Variants in MYO10 observed in about 807,000 individuals in gnomAD.
MYO10 encodes unconventional myosin-X.
In MYO10, 133 loss-of-function variants were observed where a neutral mutation model predicts 257.3. That is an observed-to-expected ratio of 0.52 (90% CI 0.45 to 0.60). MYO10 has a LOEUF of 0.60. Ranked by LOEUF, MYO10 falls within the 20% of genes least tolerant of loss-of-function variation. MYO10 has a pLI of 0.00. For synonymous variants in MYO10, 1,104 were observed against 1,028.6 expected (o/e 1.07, Z -1.40); for missense variants, 2,399 against 2,635.7 (o/e 0.91, Z 1.97).
chr5:16,694,378 T>C lies in MYO10; in HGVS notation c.3793A>G (p.Thr1265Ala). ...CCAGGCTTAGCAACCTACTTTGCCGTTCGCACTTCTACGGTGCCCTTGAGC... is the reference window on the plus strand; with the variant it reads ...CCAGGCTTAGCAACCTACTTTGCCGCTCGCACTTCTACGGTGCCCTTGAGC... ...EKLKGTVEVR[T>A]AKEIIDNTTK... Residue 1265 changes from threonine (T) to alanine (A), a missense_variant, in exon 27 of 41, where the codon ACG becomes GCG. Thr to Ala is a moderately conservative substitution (Grantham distance 58, BLOSUM62 0). This residue lies in a region of MYO10 where 1,820 missense variants were observed against 1,939.4 expected (regional missense o/e 0.94). Coordinates refer to ENST00000513610, the MANE Select transcript of MYO10 (RefSeq NM_012334.3). The C allele has an allele frequency of 1.2e-6, 2 of 1,614,040 alleles. No homozygotes were observed. The highest frequency in any genetic ancestry group is 1.7e-6 in the Non-Finnish European group (2 of 1,179,888).
chr5:16,803,488 T>A (rs896977809), intron 3 of MYO10, among the ~76,000 whole-genome samples: 3 of 152,100 alleles, frequency 2.0e-5, no homozygotes, highest in Non-Finnish European at 2.9e-5. Flanking sequence ...ATAAAAATGT[T>A]CTGGTGACAA....
chr5:16,667,305 A>G (rs1736218211), intron 40 of MYO10, among the ~76,000 whole-genome samples: 1 of 151,468 alleles, frequency 6.6e-6, no homozygotes. Flanking sequence ...CACACCAGCC[A>G]CCTCCTCCAG....
chr5:16,673,946 G>A (rs1736599606), intron 35 of MYO10, 57 bp from the exon 36 acceptor site: 1 of 1,518,958 alleles, frequency 6.6e-7, no homozygotes, highest in East Asian at 2.3e-5. Flanking sequence ...GCTGCTGGGA[G>A]GAACTAGGCT....
At chr5:16,885,992 C>A (rs918056368) in intron 1 of MYO10, among the ~76,000 whole-genome samples, 1 of 152,128 alleles carries the variant, frequency 6.6e-6, no homozygotes, top group Admixed American at 6.5e-5. Context: ...AGTAGGGCAC[C>A]CACGACAGCT....
intron 19 of MYO10, among the ~76,000 whole-genome samples, chr5:16,717,573 G>T (rs141053673): frequency 6.6e-6 from 1 of 152,190 alleles, no homozygotes; most frequent in Admixed American, 6.5e-5. Flanking sequence ...TCTGCATATG[G>T]AAGCAACTAG....
intron 1 of MYO10, among the ~76,000 whole-genome samples, chr5:16,935,018 G>C (rs1436127289): frequency 6.6e-6 from 1 of 152,114 alleles, no homozygotes; most frequent in African/African-American, 2.4e-5. Flanking sequence ...GAAAGGAAAG[G>C]GAGCCAAGAA....
intron 19 of MYO10, among the ~76,000 whole-genome samples, chr5:16,750,750 C>T (rs943204088): frequency 2.6e-5 from 4 of 152,124 alleles, no homozygotes; most frequent in African/African-American, 7.2e-5. Context: ...AATCCCAGCA[C>T]TTTGGGAGGC....
chr5:16,787,939 C>T (rs1399028101), intron 4 of MYO10, among the ~76,000 whole-genome samples: 1 of 152,254 alleles, frequency 6.6e-6, no homozygotes, highest in East Asian at 1.9e-4. Flanking sequence ...ATTACAGGCG[C>T]CTGCCACCAC....
chr5:16,739,191 CA>C (rs1218627544), intron 19 of MYO10, among the ~76,000 whole-genome samples: 8,296 of 96,470 alleles, frequency 0.086, 686 homozygotes, highest in African/African-American at 0.25. Context: ...AATCATGTCC[CA>C]AAAAAAAAAA....
At chr5:16,827,558 A>G (rs937188654) in intron 2 of MYO10, among the ~76,000 whole-genome samples, 1 of 152,210 alleles carries the variant, frequency 6.6e-6, no homozygotes, top group Non-Finnish European at 1.5e-5. Flanking sequence ...AAGTGTTGGG[A>G]TTACAGGCGT....
chr5:16,917,514 C>T (rs1275062367), intron 1 of MYO10, among the ~76,000 whole-genome samples: 3 of 151,958 alleles, frequency 2.0e-5, no homozygotes, highest in Non-Finnish European at 4.4e-5. Flanking sequence ...TAAATATCCC[C>T]GGTGAGGCAA....
rs1247757878 is a variant in MYO10, at chr5:16,766,072, G to GT, written c.1179+7dup. On this transcript the variant is annotated splice_region_variant and intron_variant, in intron 11 of 40. Coordinates refer to ENST00000513610, the MANE Select transcript of MYO10 (RefSeq NM_012334.3). Reference sequence around the variant, plus strand: ...GTAACGCAAGATCAGATGGCAAAGCGTGTGTACCTGTTGAACATTGAGAGG... The same window carrying GT: ...GTAACGCAAGATCAGATGGCAAAGCGTTGTGTACCTGTTGAACATTGAGAGG... 6.3e-7 allele frequency: 1 copy of GT among 1,585,558 alleles called. No individual in the cohort carries two copies. The highest frequency in any genetic ancestry group is 8.7e-7 in the Non-Finnish European group (1 of 1,154,316).
intron 10 of MYO10, among the ~76,000 whole-genome samples, chr5:16,768,764 C>T (rs1270911987): frequency 1.4e-5 from 2 of 147,826 alleles, no homozygotes; most frequent in African/African-American, 2.5e-5. Context: ...ACCTTCAACC[C>T]GCAGAGGCTC....
intron 3 of MYO10, among the ~76,000 whole-genome samples, chr5:16,796,474 A>AAAGAAAGAAAGAAAAAAAGAAAG (rs1276170429): frequency 7.7e-6 from 1 of 130,018 alleles, no homozygotes; most frequent in Non-Finnish European, 1.6e-5. Flanking sequence ...GAAAGAAAAG[A>AAAGAAAGAAAGAAAAAAAGAAAG]AAAGAAAAGA....
At chr5:16,757,301 A>AACACACACACACACACAC in intron 18 of MYO10, among the ~76,000 whole-genome samples, 1 of 84,386 alleles carries the variant, frequency 1.2e-5, no homozygotes, top group South Asian at 4.1e-4. Context: ...CACACACACA[A>AACACACACACACACACAC]ACACACACAC....
chr5:16,843,014 A>G (rs1743529958), intron 2 of MYO10, among the ~76,000 whole-genome samples: 1 of 151,668 alleles, frequency 6.6e-6, no homozygotes, highest in Admixed American at 6.6e-5. Context: ...CTCAATCATG[A>G]AACTGTCAGG....
At chr5:16,842,021 T>C (rs1393713553) in intron 2 of MYO10, among the ~76,000 whole-genome samples, 3 of 11,590 alleles carry the variant, frequency 2.6e-4, no homozygotes, top group African/African-American at 1.1e-3. Context: ...GGGGGCTTGG[T>C]GGGGGTGGGG....
chr5:16,839,979 G>T (rs752591485), intron 2 of MYO10, among the ~76,000 whole-genome samples: 10 of 152,158 alleles, frequency 6.6e-5, no homozygotes, highest in Non-Finnish European at 1.5e-4. Context: ...TCCAAGCTCA[G>T]TGGAAAAGTA....
At position 16,683,907 on chromosome 5, in the gene MYO10, G is replaced by C. The variant is rs776217674; in HGVS notation, c.4019C>G (p.Ser1340Cys). Residue 1340 changes from serine (S) to cysteine (C), a missense_variant, in exon 30 of 41, where the codon TCT becomes TGT. Physicochemically the swap from Ser to Cys is moderately radical, Grantham distance 112. This residue lies in a region of MYO10 where 1,820 missense variants were observed against 1,939.4 expected (regional missense o/e 0.94). Transcript: ENST00000513610. The stretch of plus-strand genomic sequence containing the variant: ...ATCAGGGCTGTCAGAGGCACACACA[G>C]AATCAATCAGCCCCACATCCAAGGT... ...VGTLDVGLID[S>C]VCASDSPDRP... 6.2e-6 allele frequency: 10 copies of C among 1,613,758 alleles called. No homozygotes were observed. Among genetic ancestry groups the C allele is most frequent in the Admixed American group, 3.3e-5 (2 of 59,980 alleles).
Sources: gnomAD v4.1 joint callset for allele counts (sites outside exome capture counted in the v4.1 genomes callset) on GRCh38, gnomAD v4.1.1 for gene constraint, gnomAD v4.1.1 regional missense constraint, MANE v1.5 for transcripts, NCBI Gene and HGNC (gene_info 2026-07-23, HGNC 2026-07-21) for gene names.